Variants in DNER observed in about 807,000 individuals in gnomAD.
The protein encoded by DNER is delta and Notch-like epidermal growth factor-related receptor.
Under a neutral mutation model 78.2 loss-of-function variants are expected in DNER, and 33 were observed. That is an observed-to-expected ratio of 0.42 (90% confidence interval 0.32 to 0.56). DNER has a LOEUF of 0.56. Ranked by LOEUF, DNER falls within the 20% of genes least tolerant of loss-of-function variation. The pLI is 0.11. For synonymous variants in DNER, 417 were observed against 384.8 expected, an observed-to-expected ratio of 1.08 and a Z score of -0.98; for missense variants, 918 against 975.3, an observed-to-expected ratio of 0.94 and a Z score of 0.78.
chr2:229,607,406 C>G (rs41459545), intron 1 of DNER, among the ~76,000 whole-genome samples: 6,871 of 152,178 alleles, frequency 0.045, 464 homozygotes, highest in African/African-American at 0.15. Context: ...ATCTCTGAGG[C>G]TCAGAAACTA....
intron 1 of DNER, among the ~76,000 whole-genome samples, chr2:229,630,970 C>T (rs1193710466): frequency 8.6e-6 from 1 of 116,442 alleles, no homozygotes; most frequent in Non-Finnish European, 2.3e-5. Context: ...GACATGATTT[C>T]ATTCTTTTTT....
At chr2:229,678,806 G>A (rs1699339883) in intron 1 of DNER, among the ~76,000 whole-genome samples, 1 of 152,160 alleles carries the variant, frequency 6.6e-6, no homozygotes, top group Non-Finnish European at 1.5e-5. Flanking sequence ...AGGGTATAAG[G>A]AAGTCATAAT....
At chr2:229,454,095 C>T (rs1327686090) in intron 7 of DNER, among the ~76,000 whole-genome samples, 1 of 152,134 alleles carries the variant, frequency 6.6e-6, no homozygotes, top group East Asian at 1.9e-4. Flanking sequence ...AGGAAGCTAG[C>T]ACAGCCAAGG....
At chr2:229,662,657 C>T (rs1029397434) in intron 1 of DNER, among the ~76,000 whole-genome samples, 2 of 152,102 alleles carry the variant, frequency 1.3e-5, no homozygotes, top group Admixed American at 1.3e-4. Flanking sequence ...TAGAGCCTAC[C>T]CAGCCTCCTG....
chr2:229,692,080 C>T (rs978178289), intron 1 of DNER, among the ~76,000 whole-genome samples: 2 of 152,152 alleles, frequency 1.3e-5, no homozygotes, highest in Non-Finnish European at 1.5e-5. Flanking sequence ...AGTTGAGCTC[C>T]CAGACACTGC....
intron 1 of DNER, among the ~76,000 whole-genome samples, chr2:229,680,655 T>C (rs1699371540): frequency 6.6e-6 from 1 of 152,212 alleles, no homozygotes; most frequent in Admixed American, 6.5e-5. Flanking sequence ...AGCAGTGCTA[T>C]GTGTTGGTCA....
chr2:229,606,298 C>G (rs1445161908), intron 1 of DNER: 2 of 152,174 alleles, frequency 1.3e-5, no homozygotes, highest in Admixed American at 1.3e-4. Flanking sequence ...AGGAAGGCCC[C>G]TCTCACACAC....
At chr2:229,634,219 T>G (rs1368176206) in intron 1 of DNER, among the ~76,000 whole-genome samples, 1 of 152,206 alleles carries the variant, frequency 6.6e-6, no homozygotes, top group African/African-American at 2.4e-5. Context: ...AAAAAAATTA[T>G]AATAGCTATG....
intron 1 of DNER, among the ~76,000 whole-genome samples, chr2:229,682,480 G>C (rs1466977806): frequency 6.6e-6 from 1 of 152,112 alleles, no homozygotes; most frequent in Non-Finnish European, 1.5e-5. Context: ...TCTTCTTACT[G>C]ATATAATCAG....
intron 3 of DNER, 57 bp downstream of exon 3, chr2:229,588,337 C>T: frequency 6.5e-7 from 1 of 1,544,990 alleles, no homozygotes. Context: ...ATGGACACAA[C>T]CCCACTTATA....
chr2:229,710,279 G>A (rs1158871070), intron 1 of DNER, among the ~76,000 whole-genome samples: 1 of 152,192 alleles, frequency 6.6e-6, no homozygotes, highest in African/African-American at 2.4e-5. Flanking sequence ...AACTCAAGGA[G>A]GTTATAGCTC....
At chr2:229,403,571 T>C (rs1025972714) in intron 10 of DNER, among the ~76,000 whole-genome samples, 3 of 152,206 alleles carry the variant, frequency 2.0e-5, no homozygotes, top group Non-Finnish European at 2.9e-5. Context: ...TCTGTGGTCC[T>C]CTGTAGGCTG....
At chr2:229,644,094 C>T (rs373757915) in intron 1 of DNER, among the ~76,000 whole-genome samples, 3 of 152,266 alleles carry the variant, frequency 2.0e-5, no homozygotes, top group Admixed American at 6.5e-5. Context: ...CAGCCCTGCA[C>T]CTGCCCCCAA....
chr2:229,391,071 A>G (rs1377857291), intron 10 of DNER, among the ~76,000 whole-genome samples: 1 of 152,176 alleles, frequency 6.6e-6, no homozygotes, highest in African/African-American at 2.4e-5. Flanking sequence ...GGAGTTTTCA[A>G]CCAGAAGACA....
chr2:229,580,008 T>C (rs963625885), intron 4 of DNER: 1 of 152,166 alleles, frequency 6.6e-6, no homozygotes, highest in African/African-American at 2.4e-5. Flanking sequence ...ACCTAGTTAT[T>C]CATGTCTTAT....
At chr2:229,710,596 T>G (rs1233524367) in intron 1 of DNER, among the ~76,000 whole-genome samples, 1 of 152,146 alleles carries the variant, frequency 6.6e-6, no homozygotes, top group Non-Finnish European at 1.5e-5. Flanking sequence ...ATCATCATCA[T>G]CATTACATAT....
chr2:229,637,093 C>G (rs531088847), intron 1 of DNER, among the ~76,000 whole-genome samples: 7 of 152,228 alleles, frequency 4.6e-5, no homozygotes, highest in Non-Finnish European at 1.0e-4. Context: ...GTTTTCTCAC[C>G]CATCCCACTC....
At chr2:229,590,364 T>G (rs1164506956) in intron 2 of DNER, among the ~76,000 whole-genome samples, 1 of 152,230 alleles carries the variant, frequency 6.6e-6, no homozygotes, top group Non-Finnish European at 1.5e-5. Context: ...CTTTGTCAAA[T>G]GCATTCTAAA....
At chr2:229,531,634 G>A (rs1376690854) in intron 5 of DNER, among the ~76,000 whole-genome samples, 3 of 152,210 alleles carry the variant, frequency 2.0e-5, no homozygotes, top group Admixed American at 6.5e-5. Flanking sequence ...GAATTAGCAC[G>A]TGAACCAGCA....
Sources: gnomAD v4.1 joint callset for allele counts (sites outside exome capture counted in the v4.1 genomes callset) on GRCh38, gnomAD v4.1.1 for gene constraint, MANE v1.5 for transcripts, NCBI Gene and HGNC (gene_info 2026-07-23, HGNC 2026-07-21) for gene names.